Variants in HYAL4 observed in about 807,000 individuals in gnomAD.
HYAL4 encodes hyaluronidase 4.
HYAL4 carries 37 observed loss-of-function variants against 35.2 expected under a neutral mutation model. The ratio of observed to expected loss-of-function variants is 1.05; its 90% confidence interval spans 0.81 to 1.38. HYAL4 has a LOEUF of 1.38. Ranked by LOEUF, HYAL4 falls within the 40% of genes most tolerant of loss-of-function variation. HYAL4 has a pLI of 0.00. For synonymous variants in HYAL4, 198 were observed against 203.2 expected, an observed-to-expected ratio of 0.97 and a Z score of 0.22; for missense variants, 572 against 572.4, an observed-to-expected ratio of 1.00 and a Z score of 0.01.
the HYAL4 span, among the ~76,000 whole-genome samples, chr7:123,811,909 T>G: frequency 6.6e-6 from 1 of 152,086 alleles, no homozygotes; most frequent in Non-Finnish European, 1.5e-5. Flanking sequence ...TGGCACAATC[T>G]CAGCTCACTG....
At chr7:123,771,304 C>T in the HYAL4 span, among the ~76,000 whole-genome samples, 1 of 152,138 alleles carries the variant, frequency 6.6e-6, no homozygotes, top group African/African-American at 2.4e-5. Flanking sequence ...AAATCTCAGT[C>T]AACATGGTAT....
Position 123,877,281 on chromosome 7 carries a change from T to C in HYAL4, c.*126T>C. 1 of 920,510 alleles carries C rather than the reference T, an allele frequency of 1.1e-6. No homozygotes were observed. Among genetic ancestry groups the C allele is most frequent in the South Asian group, 1.9e-5 (1 of 53,948 alleles). The allele number at this position is 920,510 out of a possible 1,614,324, so 57.0% of individuals were successfully genotyped here. A position where few individuals can be genotyped will look rare whatever the true frequency, so the allele number is the denominator to read the frequency against. Reference sequence around the variant, plus strand: ...ATATTATAAGTAGACATTATGTATGTCACTTAACATAAACAGAAACATTAT... The same window carrying C: ...ATATTATAAGTAGACATTATGTATGCCACTTAACATAAACAGAAACATTAT... On this transcript the variant is annotated 3_prime_UTR_variant, in exon 5 of 5. Transcript: ENST00000223026.
At chr7:123,838,279 C>T (rs1207414628) in intron 1 of HYAL4, among the ~76,000 whole-genome samples, 1 of 130,458 alleles carries the variant, frequency 7.7e-6, no homozygotes, top group African/African-American at 2.9e-5. Flanking sequence ...GAATTATATA[C>T]AAAGAAACTC....
At chr7:123,838,992 T>TAA (rs1562992880) in intron 1 of HYAL4, among the ~76,000 whole-genome samples, 3 of 151,628 alleles carry the variant, frequency 2.0e-5, no homozygotes, top group Non-Finnish European at 4.4e-5. Context: ...GTTTTTTTTT[T>TAA]AAATTATTAT....
the HYAL4 span, among the ~76,000 whole-genome samples, chr7:123,794,518 T>G: frequency 6.6e-6 from 1 of 152,200 alleles, no homozygotes; most frequent in Non-Finnish European, 1.5e-5. Context: ...CTATGCGCCT[T>G]GAGACATGGT....
chr7:123,870,572 A>AC (rs1313784722), intron 3 of HYAL4, among the ~76,000 whole-genome samples: 1 of 152,006 alleles, frequency 6.6e-6, no homozygotes, highest in African/African-American at 2.4e-5. Flanking sequence ...GACCAGCCTG[A>AC]CCAAGATAGT....
the HYAL4 span, among the ~76,000 whole-genome samples, chr7:123,808,412 T>G: frequency 1.8e-4 from 26 of 144,880 alleles, no homozygotes; most frequent in Middle Eastern, 3.5e-3. Context: ...TTTATATGTA[T>G]CATCACGTGT....
chr7:123,839,051 T>C (rs1207239657), intron 1 of HYAL4, among the ~76,000 whole-genome samples: 2 of 152,096 alleles, frequency 1.3e-5, no homozygotes, highest in Non-Finnish European at 2.9e-5. Context: ...GTTTGGTATA[T>C]AGGTATACAT....
chr7:123,804,003 A>G, the HYAL4 span, among the ~76,000 whole-genome samples: 1 of 152,140 alleles, frequency 6.6e-6, no homozygotes, highest in African/African-American at 2.4e-5. Flanking sequence ...AACTGATTTT[A>G]CTCCACATAA....
intron 2 of HYAL4, among the ~76,000 whole-genome samples, chr7:123,864,091 C>A (rs114598849): frequency 6.6e-6 from 1 of 152,054 alleles, no homozygotes; most frequent in Non-Finnish European, 1.5e-5. Flanking sequence ...GCTGCTTTTG[C>A]CACATTTGTC....
upstream of HYAL4, among the ~76,000 whole-genome samples, chr7:123,843,596 C>T (rs144827052): frequency 2.9e-4 from 44 of 152,098 alleles, no homozygotes; most frequent in East Asian, 8.3e-3. Context: ...GACTGTTTTC[C>T]AACTTGGTTC....
At chr7:123,872,593 C>T (rs1199795652) in intron 3 of HYAL4, among the ~76,000 whole-genome samples, 1 of 152,218 alleles carries the variant, frequency 6.6e-6, no homozygotes, top group African/African-American at 2.4e-5. Context: ...GCACCCTGTG[C>T]CACACTGGGA....
upstream of HYAL4, among the ~76,000 whole-genome samples, chr7:123,841,699 A>G (rs1584911698): frequency 6.6e-6 from 1 of 151,936 alleles, no homozygotes; most frequent in African/African-American, 2.4e-5. Flanking sequence ...CAGAGATTCA[A>G]CTTCTTCCTG....
In HYAL4 at chr7:123,877,168, T is replaced by C. The variant is rs777295228; in HGVS notation, c.*13T>C. On this transcript the variant is annotated 3_prime_UTR_variant, in exon 5 of 5. Coordinates refer to ENST00000223026, the MANE Select transcript of HYAL4 (RefSeq NM_012269.3). ...CATTCAGTTGTGAGATAATTGAGTT[T>C]AAAGGGAATTGTGTGGCCTCTAGCC... 4.4e-6 allele frequency: 7 copies of C among 1,605,584 alleles called. No individual in the cohort carries two copies. The East Asian group carries it at 1.3e-4, about 31-fold the overall frequency.
At chr7:123,810,051 G>A in the HYAL4 span, among the ~76,000 whole-genome samples, 2 of 151,754 alleles carry the variant, frequency 1.3e-5, no homozygotes, top group African/African-American at 2.4e-5. Context: ...CTCTTTTTTC[G>A]TTCTTCTGGA....
the HYAL4 span, among the ~76,000 whole-genome samples, chr7:123,806,459 T>G: frequency 6.6e-6 from 1 of 152,132 alleles, no homozygotes; most frequent in Admixed American, 6.5e-5. Flanking sequence ...CCTTTTTTTT[T>G]TGGGACGGAG....
chr7:123,795,222 A>G, the HYAL4 span, among the ~76,000 whole-genome samples: 1 of 152,186 alleles, frequency 6.6e-6, no homozygotes, highest in Non-Finnish European at 1.5e-5. Context: ...CTAGGAAGTA[A>G]CTAACTTACT....
At chr7:123,789,557 A>G in the HYAL4 span, among the ~76,000 whole-genome samples, 1 of 152,228 alleles carries the variant, frequency 6.6e-6, no homozygotes, top group African/African-American at 2.4e-5. Flanking sequence ...AATGAAAGGT[A>G]TAATTATGAA....
chr7:123,774,985 C>G, the HYAL4 span, among the ~76,000 whole-genome samples: 4 of 152,194 alleles, frequency 2.6e-5, no homozygotes, highest in African/African-American at 9.7e-5. Flanking sequence ...CTATGTCCCT[C>G]TACAAGAAAC....
Sources: allele counts gnomAD v4.1 joint callset (sites outside exome capture counted in the v4.1 genomes callset), GRCh38; gene constraint gnomAD v4.1.1; transcripts MANE v1.5; gene names NCBI Gene and HGNC (gene_info 2026-07-23, HGNC 2026-07-21).